The following XRCC5 variants were observed in gnomAD, a reference collection of about 807,000 sequenced individuals.
XRCC5 encodes X-ray repair cross complementing 5, also known as DNA repair protein Ku80.
XRCC5 carries 12 observed loss-of-function variants against 95.7 expected under a neutral mutation model. The observed-to-expected ratio is 0.13, with a 90% CI of 0.08 to 0.20. The LOEUF is 0.20. Among genes scored for constraint, XRCC5 ranks in the 10% least tolerant of loss-of-function variants. XRCC5 has a pLI of 1.00. For synonymous variants in XRCC5, 281 were observed against 290.3 expected, an observed-to-expected ratio of 0.97 and a Z score of 0.33; for missense variants, 595 against 873.9, an observed-to-expected ratio of 0.68 and a Z score of 4.02.
In XRCC5 at chr2:216,116,685, T is replaced by A; in HGVS notation, c.162T>A (p.Ile54=). 2 of 1,614,210 alleles carry A rather than the reference T, an allele frequency of 1.2e-6. No individual in the cohort carries two copies. The highest frequency in any genetic ancestry group is 1.7e-6 in the Non-Finnish European group (2 of 1,180,030). ...RQVFAENKDE[I]ALVLFGTDGT... ...TGTTTGCTGAGAACAAGGATGAGAT[T>A]GCTTTAGTCCTGTTTGGTACAGATG... The change falls in exon 3 of 21, where the codon ATT becomes ATA. Residue 54 remains isoleucine (I), a synonymous_variant. Coordinates refer to ENST00000392132, the MANE Select transcript of XRCC5 (RefSeq NM_021141.4).
rs752332445 is a variant in XRCC5, at chr2:216,151,626, G to T, written c.1670+3350G>T. ...TAAAATAGGGATAATAGGAATATCT[G>T]TCTTATAGAGTTGTCATGGGGGTTA... is the stretch of plus-strand genomic sequence containing the variant. On this transcript the variant is annotated intron_variant, in intron 14 of 20. Coordinates refer to ENST00000392132, the MANE Select transcript of XRCC5 (RefSeq NM_021141.4). 4.7e-4 allele frequency among the ~76,000 whole-genome samples: 72 copies of T among 152,180 alleles called. 1 individual carries two copies. Among genetic ancestry groups the T allele is most frequent in the Non-Finnish European group, 1.3e-4 (9 of 68,028 alleles).
chr2:216,164,489 T>A (rs191615271), intron 16 of XRCC5, among the ~76,000 whole-genome samples: 2 of 152,374 alleles, frequency 1.3e-5, no homozygotes, highest in Non-Finnish European at 2.9e-5. Flanking sequence ...TTAACAGCTT[T>A]TGCCAGAATT....
At chr2:216,142,573 G>A (rs574049122) in intron 13 of XRCC5, among the ~76,000 whole-genome samples, 42 of 152,118 alleles carry the variant, frequency 2.8e-4, no homozygotes, top group African/African-American at 9.9e-4. Context: ...CAGGACATAG[G>A]CTTCTCTGAC....
intron 7 of XRCC5, among the ~76,000 whole-genome samples, chr2:216,126,906 T>G (rs41299788): frequency 0.078 from 11,774 of 151,888 alleles, 679 homozygotes; most frequent in South Asian, 0.26. Context: ...ATATATTGCT[T>G]CTTTTTTTTT....
intron 7 of XRCC5, among the ~76,000 whole-genome samples, chr2:216,127,259 A>G (rs1403367739): frequency 6.6e-6 from 1 of 152,202 alleles, no homozygotes; most frequent in Non-Finnish European, 1.5e-5. Flanking sequence ...AAATAAATAA[A>G]TAAAAATATT....
chr2:216,172,760 C>A (rs1408105597), intron 16 of XRCC5, among the ~76,000 whole-genome samples: 4 of 152,072 alleles, frequency 2.6e-5, no homozygotes, highest in Non-Finnish European at 5.9e-5. Flanking sequence ...AGCTGCCGTG[C>A]CTGGCCCAGC....
intron 13 of XRCC5, among the ~76,000 whole-genome samples, chr2:216,145,579 AT>A (rs1051416259): frequency 6.6e-6 from 1 of 152,122 alleles, no homozygotes; most frequent in Non-Finnish European, 1.5e-5. Flanking sequence ...TCATAATCCC[AT>A]TTTTTTAGTG....
At chr2:216,171,573 A>C (rs1440285763) in intron 16 of XRCC5, among the ~76,000 whole-genome samples, 1 of 152,246 alleles carries the variant, frequency 6.6e-6, no homozygotes, top group South Asian at 2.1e-4. Flanking sequence ...ATCTGTAGTT[A>C]TCTGTTCATG....
chr2:216,118,252 A>C (rs949778173), intron 4 of XRCC5, among the ~76,000 whole-genome samples: 1 of 151,746 alleles, frequency 6.6e-6, no homozygotes, highest in African/African-American at 2.4e-5. Flanking sequence ...GCTCACAGCA[A>C]CCTCAGCTTG....
Position 216,163,633 on chromosome 2 carries a change from A to G in XRCC5, c.1834+1585A>G, listed in dbSNP as rs41301710. 9.0e-3 allele frequency among the ~76,000 whole-genome samples: 1,373 copies of G among 152,260 alleles called. 25 individuals are homozygous for G. The highest frequency in any genetic ancestry group is 0.031 in the African/African-American group (1,309 of 41,562). On this transcript the variant is annotated intron_variant, in intron 16 of 20. Coordinates refer to ENST00000392132, the MANE Select transcript of XRCC5 (RefSeq NM_021141.4). ...TGAGAGTTAAATGCCTAGAAGCACT[A>G]CTGCCTGCAGTAGGTCTAATGCATC... is the stretch of plus-strand genomic sequence containing the variant.
chr2:216,172,464 C>CTTTTTTTTTTTTTTTTTTTTTTTTTT (rs1689183461), intron 16 of XRCC5, among the ~76,000 whole-genome samples: 1 of 70,350 alleles, frequency 1.4e-5, no homozygotes, highest in African/African-American at 6.5e-5. Flanking sequence ...ATCAGCTTTT[C>CTTTTTTTTTTTTTTTTTTTTTTTTTT]TTTTCTTTTT....
intron 16 of XRCC5, among the ~76,000 whole-genome samples, chr2:216,172,729 A>G (rs1181440069): frequency 6.6e-6 from 1 of 152,030 alleles, no homozygotes; most frequent in Non-Finnish European, 1.5e-5. Flanking sequence ...TTGGCCTCCA[A>G]GTTTTGGGAT....
intron 16 of XRCC5, among the ~76,000 whole-genome samples, chr2:216,165,292 ATTTGAC>A (rs1689035170): frequency 6.6e-6 from 1 of 152,154 alleles, no homozygotes; most frequent in Admixed American, 6.5e-5. Flanking sequence ...TTTATATTGA[ATTTGAC>A]TTTGAGACCC....
At chr2:216,199,127 C>G (rs1689787977) in intron 19 of XRCC5, among the ~76,000 whole-genome samples, 1 of 152,180 alleles carries the variant, frequency 6.6e-6, no homozygotes, top group South Asian at 2.1e-4. Context: ...TTTAAGGAAA[C>G]TTGACTATAA....
intron 14 of XRCC5, 101 bp from the exon 15 acceptor site, chr2:216,159,967 C>CTTTTT: frequency 3.4e-6 from 2 of 581,300 alleles, no homozygotes; most frequent in South Asian, 3.0e-5. Context: ...TCTTCTTCTT[C>CTTTTT]TTTTTTCTTT....
chr2:216,167,721 C>A (rs1471584625), intron 16 of XRCC5, among the ~76,000 whole-genome samples: 1 of 152,016 alleles, frequency 6.6e-6, no homozygotes, highest in Non-Finnish European at 1.5e-5. Context: ...TTTTTCTACA[C>A]AGCGCTGGTA....
At chr2:216,184,617 G>A (rs1385601394) in intron 16 of XRCC5, among the ~76,000 whole-genome samples, 1 of 152,134 alleles carries the variant, frequency 6.6e-6, no homozygotes, top group African/African-American at 2.4e-5. Context: ...TGAGTAGCTG[G>A]GATTACAGGC....
chr2:216,184,783 AT>A (rs1574483696), intron 16 of XRCC5, among the ~76,000 whole-genome samples: 1 of 152,212 alleles, frequency 6.6e-6, no homozygotes, highest in East Asian at 1.9e-4. Flanking sequence ...GCCCAGCCTG[AT>A]GCCTTGCATT....
intron 13 of XRCC5, among the ~76,000 whole-genome samples, chr2:216,142,025 G>A (rs1009471605): frequency 6.6e-6 from 1 of 152,086 alleles, no homozygotes; most frequent in African/African-American, 2.4e-5. Flanking sequence ...CTGTACTCCA[G>A]CCTGGGCGGC....
Sources: allele counts gnomAD v4.1 joint callset (sites outside exome capture counted in the v4.1 genomes callset), GRCh38; gene constraint gnomAD v4.1.1; transcripts MANE v1.5; gene names NCBI Gene and HGNC (gene_info 2026-07-23, HGNC 2026-07-21).